SBNO2: variants seen among roughly 807,000 people sequenced by gnomAD.
SBNO2 encodes the protein strawberry notch homolog 2, also known as protein strawberry notch homolog 2.
A neutral mutation model predicts 146.3 loss-of-function variants in SBNO2; 89 were observed. The observed-to-expected ratio is 0.61, with a 90% CI of 0.51 to 0.73. The LOEUF (loss-of-function observed/expected upper bound fraction) is 0.73. SBNO2 is among the 30% of genes least tolerant of loss of function. SBNO2 has a pLI of 0.00. For missense variants in SBNO2, 2,092 were observed against 2,003.7 expected (o/e 1.04, Z -0.84); for synonymous variants, 1,147 against 892.6 (o/e 1.29, Z -5.08).
rs755249783 is a variant in SBNO2, at chr19:1,114,288, G to A, written c.2020C>T (p.Leu674=). 4 of 1,551,710 alleles carry A rather than the reference G, an allele frequency of 2.6e-6. No individual in the cohort carries two copies. The South Asian group carries it at 4.8e-5, about 18-fold the overall frequency. The part of the protein sequence containing the change: ...DSDFNSSPES[L]VDDDVVIVDA... ...ACGATGACAACGTCGTCATCCACCA[G>A]GGACTCGGGGGAGGAGTTGAAGTCG... Residue 674 remains leucine (L), a synonymous_variant, in exon 18 of 32, where the codon CTG becomes TTG. Transcript: ENST00000361757.
In SBNO2 at chr19:1,119,660, G is replaced by C. The variant is rs570060435; in HGVS notation, c.1268-39C>G. 2.4e-4 allele frequency: 362 copies of C among 1,537,466 alleles called. 6 individuals are homozygous for C. In the South Asian group the frequency reaches 3.9e-3, roughly 17 times the overall value. ...CTGCCGTCAGCTCCCCAACCCGGGA[G>C]GGCCCAGAGGCCGCGTCAGGGGACG... On this transcript the variant is annotated intron_variant, in intron 12 of 31. Transcript: ENST00000361757.
At chr19:1,124,080 C>A in intron 5 of SBNO2, 58 bp from the exon 6 acceptor site, 1 of 1,525,442 alleles carries the variant, frequency 6.6e-7, no homozygotes, top group Non-Finnish European at 9.0e-7. Flanking sequence ...AGCTGGTGGG[C>A]CCTCGCAGCC....
At chr19:1,141,167 G>A (rs2080133776) in intron 4 of SBNO2, among the ~76,000 whole-genome samples, 1 of 152,056 alleles carries the variant, frequency 6.6e-6, no homozygotes, top group South Asian at 2.1e-4. Context: ...CAAGCGCAGA[G>A]GCTGCTGACT....
At chr19:1,122,055 C>A in intron 11 of SBNO2, 84 bp downstream of exon 11, 1 of 1,001,556 alleles carries the variant, frequency 1.0e-6, no homozygotes, top group Non-Finnish European at 1.3e-6. Flanking sequence ...TGACTCCCAC[C>A]CCTCCTCTCC....
chr19:1,140,494 G>A lies in SBNO2; in HGVS notation c.279+6815C>T, dbSNP rs1292769609. On this transcript the variant is annotated intron_variant, in intron 4 of 31. Coordinates refer to ENST00000361757, the MANE Select transcript of SBNO2 (RefSeq NM_014963.3). The surrounding 1 kb of genome is among the most constrained non-coding windows in gnomAD (Gnocchi z 4.4). ...GAAGTGAGGGGGGCCCTTCCTCCGG[G>A]CCAGGGTGGCTGGAGGGCCGGGCAA... 1.3e-5 allele frequency among the ~76,000 whole-genome samples: 2 copies of A among 152,138 alleles called. No individual in the cohort carries two copies. The highest frequency in any genetic ancestry group is 2.9e-5 in the Non-Finnish European group (2 of 68,002).
chr19:1,156,823 C>T (rs934278875), intron 1 of SBNO2, among the ~76,000 whole-genome samples: 39 of 151,978 alleles, frequency 2.6e-4, no homozygotes, highest in Middle Eastern at 3.2e-3. Context: ...GCGTGGGTGC[C>T]GGGCTGGGGC....
rs184101386 is a variant in SBNO2, at chr19:1,136,135, C to T, written c.280-8370G>A. ...CACAGAAGCAGAGATCCCAGCCCTG[C>T]GGCCACAGCCAGGGGATGCCCGGAT... On this transcript the variant is annotated intron_variant, in intron 4 of 31. Coordinates refer to ENST00000361757, the MANE Select transcript of SBNO2 (RefSeq NM_014963.3). The surrounding 1 kb of genome is among the most constrained non-coding windows in gnomAD (Gnocchi z 4.2). Among the ~76,000 whole-genome samples, 910 of 152,298 alleles carry T rather than the reference C, an allele frequency of 6.0e-3. 9 individuals are homozygous for T. Among genetic ancestry groups the T allele is most frequent in the African/African-American group, 0.021 (866 of 41,572 alleles).
intron 1 of SBNO2, among the ~76,000 whole-genome samples, chr19:1,162,744 C>T (rs2080361498): frequency 6.6e-6 from 1 of 152,216 alleles, no homozygotes; most frequent in African/African-American, 2.4e-5. Context: ...ATCTGACACA[C>T]AGAGAAACGG....
At position 1,126,629 on chromosome 19, in the gene SBNO2, C is replaced by A. The variant is rs745682083; in HGVS notation, c.441+975G>T. ...ATGCTTCCTGCCTGGGCCCCCAAGCCCGTGAGTTCTGCTGCCCGGGTTGCC... is the reference window on the plus strand; with the variant it reads ...ATGCTTCCTGCCTGGGCCCCCAAGCACGTGAGTTCTGCTGCCCGGGTTGCC... On this transcript the variant is annotated intron_variant, in intron 5 of 31. Transcript: ENST00000361757. This position sits in a 1 kb window ranked among gnomAD's most constrained non-coding sequence, Gnocchi z 4.4. Among the ~76,000 whole-genome samples, 2 of 152,152 alleles carry A rather than the reference C, an allele frequency of 1.3e-5. No homozygotes were observed. The highest frequency in any genetic ancestry group is 2.4e-5 in the African/African-American group (1 of 41,428).
At chr19:1,122,612 C>CCGG in intron 9 of SBNO2, 46 bp downstream of exon 9, 1 of 973,200 alleles carries the variant, frequency 1.0e-6, no homozygotes, top group Non-Finnish European at 1.5e-6. Context: ...CCCCCGCTTC[C>CCGG]GCCCCCCACC....
At chr19:1,168,201 G>A (rs1160770298) in intron 1 of SBNO2, among the ~76,000 whole-genome samples, 4 of 152,158 alleles carry the variant, frequency 2.6e-5, no homozygotes, top group East Asian at 3.9e-4. Flanking sequence ...CCGGGGCAGC[G>A]TTGGGTGCCC....
intron 4 of SBNO2, chr19:1,132,249 T>TCTCCCCC (rs2080038783): frequency 3.8e-6 from 5 of 1,307,054 alleles, no homozygotes; most frequent in Non-Finnish European, 3.9e-6. Context: ...CGGGGGCGGC[T>TCTCCCCC]CTCCGCCCGG....
chr19:1,154,689 G>A (rs1035206648), intron 1 of SBNO2, among the ~76,000 whole-genome samples: 4 of 152,192 alleles, frequency 2.6e-5, no homozygotes, highest in East Asian at 1.9e-4. Context: ...CAGGGCAGCC[G>A]TAGGACCAGG....
chr19:1,152,136 C>G (rs919284164), intron 2 of SBNO2, among the ~76,000 whole-genome samples: 4 of 152,204 alleles, frequency 2.6e-5, no homozygotes, highest in Non-Finnish European at 5.9e-5. Flanking sequence ...AAGCCGGTTA[C>G]GCGCACGGGT....
In SBNO2 at chr19:1,163,695, C is replaced by T. The variant is rs113448146; in HGVS notation, c.-126-9293G>A. On this transcript the variant is annotated intron_variant, in intron 1 of 31. Transcript: ENST00000361757. ...GACCCTGCCACGCGCAGGCACAGGC[C>T]AGGCGGCGCCGGGGAAGCCTGGGGG... Among the ~76,000 whole-genome samples, 285 of 152,358 alleles carry T rather than the reference C, an allele frequency of 1.9e-3. 2 individuals carry two copies. The highest frequency in any genetic ancestry group is 6.6e-3 in the African/African-American group (274 of 41,584).
chr19:1,112,328 C>A lies in SBNO2; in HGVS notation c.2516-27G>T, dbSNP rs2079773436. On this transcript the variant is annotated intron_variant, in intron 21 of 31. Coordinates refer to ENST00000361757, the MANE Select transcript of SBNO2 (RefSeq NM_014963.3). The surrounding 1 kb of genome is among the most constrained non-coding windows in gnomAD (Gnocchi z 5.9). ...TGGGGGCAGAGCTGCTCTCAGGGCC[C>A]GGCCAGGCGGGGGCGGGGCCGAGAC... The A allele has an allele frequency of 1.3e-6, 2 of 1,569,886 alleles. No homozygotes were observed. The highest frequency in any genetic ancestry group is 2.3e-5 in the East Asian group (1 of 42,742).
chr19:1,123,067 G>A (rs765578369), intron 7 of SBNO2, 22 bp from the exon 8 acceptor site: 11 of 1,587,406 alleles, frequency 6.9e-6, no homozygotes, highest in African/African-American at 2.7e-5. Context: ...AGGACGGAGG[G>A]CAAGGTAAAG....
chr19:1,111,136 C>T (rs1329759760), intron 24 of SBNO2, 43 bp from the exon 25 acceptor site: 6 of 1,527,754 alleles, frequency 3.9e-6, no homozygotes, highest in Admixed American at 4.0e-5. Context: ...CCCACCCCTG[C>T]CCCTCCCTCG....
At chr19:1,114,794 C>G (rs1191962438) in intron 17 of SBNO2, among the ~76,000 whole-genome samples, 1 of 152,188 alleles carries the variant, frequency 6.6e-6, no homozygotes, top group Non-Finnish European at 1.5e-5. Flanking sequence ...ACCACCACGC[C>G]TGGCTAATCT....
Sources: gnomAD v4.1 joint callset for allele counts (sites outside exome capture counted in the v4.1 genomes callset) on GRCh38, gnomAD v4.1.1 for gene constraint, Gnocchi (gnomAD v3.1) non-coding constraint, MANE v1.5 for transcripts, NCBI Gene and HGNC (gene_info 2026-07-23, HGNC 2026-07-21) for gene names.